Variants in CADPS2 observed in about 807,000 individuals in gnomAD.
The protein encoded by CADPS2 is calcium-dependent secretion activator 2.
CADPS2 carries 93 observed loss-of-function variants against 172.5 expected under a neutral mutation model. That is an observed-to-expected ratio of 0.54 (90% CI 0.46 to 0.64). CADPS2 has a LOEUF of 0.64. CADPS2 is among the 30% of genes least tolerant of loss of function. The pLI, the probability that CADPS2 is intolerant of heterozygous loss-of-function variation, is 0.00. For missense variants in CADPS2, 1,420 were observed against 1,565.9 expected (o/e 0.91, Z 1.57); for synonymous variants, 546 against 555.2 (o/e 0.98, Z 0.23).
At chr7:122,482,110 GCAA>G (rs2057371988) in intron 11 of CADPS2, among the ~76,000 whole-genome samples, 1 of 151,474 alleles carries the variant, frequency 6.6e-6, no homozygotes, top group Admixed American at 6.6e-5. Context: ...TTATGTGCAA[GCAA>G]CAATAGCCAC....
intron 1 of CADPS2, among the ~76,000 whole-genome samples, chr7:122,881,948 A>G (rs1246248394): frequency 6.6e-6 from 1 of 152,168 alleles, no homozygotes; most frequent in African/African-American, 2.4e-5. Context: ...TAATTCTTTG[A>G]GGCATGGACT....
intron 20 of CADPS2, among the ~76,000 whole-genome samples, chr7:122,396,656 A>G (rs928995427): frequency 5.9e-5 from 9 of 152,260 alleles, no homozygotes; most frequent in African/African-American, 2.2e-4. Context: ...TCACGATTCA[A>G]TATACACCTG....
At chr7:122,580,746 C>G (rs1227587711) in intron 7 of CADPS2, among the ~76,000 whole-genome samples, 1 of 152,108 alleles carries the variant, frequency 6.6e-6, no homozygotes, top group African/African-American at 2.4e-5. Context: ...ATAAGAGAGA[C>G]AGATGCACTT....
At chr7:122,671,855 A>G (rs531931639) in intron 2 of CADPS2, among the ~76,000 whole-genome samples, 1 of 152,338 alleles carries the variant, frequency 6.6e-6, no homozygotes, top group Middle Eastern at 3.4e-3. Flanking sequence ...ACTAGGGCAG[A>G]CTTTAAAGCT....
At chr7:122,778,340 A>T (rs751470990) in intron 1 of CADPS2, among the ~76,000 whole-genome samples, 1 of 152,228 alleles carries the variant, frequency 6.6e-6, no homozygotes, top group Non-Finnish European at 1.5e-5. Context: ...AGAACATAAA[A>T]GTTTGGAAAA....
At chr7:122,395,813 T>C (rs1321203644) in intron 20 of CADPS2, among the ~76,000 whole-genome samples, 4 of 133,202 alleles carry the variant, frequency 3.0e-5, no homozygotes, top group African/African-American at 3.3e-5. Flanking sequence ...TTTTTTTTTC[T>C]TTTTTTTTTT....
intron 15 of CADPS2, among the ~76,000 whole-genome samples, chr7:122,446,465 A>G (rs1022826369): frequency 2.0e-5 from 3 of 152,148 alleles, no homozygotes; most frequent in Non-Finnish European, 4.4e-5. Flanking sequence ...GGCTGAAGCA[A>G]AACCTAATGA....
chr7:122,620,130 T>C (rs1406830846), intron 5 of CADPS2, among the ~76,000 whole-genome samples: 1 of 152,148 alleles, frequency 6.6e-6, no homozygotes, highest in East Asian at 1.9e-4. Context: ...TTGAAAACTG[T>C]TCTTCGTAAG....
chr7:122,596,523 A>T (rs942121505), intron 6 of CADPS2, among the ~76,000 whole-genome samples: 1 of 152,154 alleles, frequency 6.6e-6, no homozygotes, highest in African/African-American at 2.4e-5. Flanking sequence ...GCTTGTGTTA[A>T]AAGGAAAAGC....
At chr7:122,598,933 G>A (rs980159957) in intron 6 of CADPS2, among the ~76,000 whole-genome samples, 3 of 152,040 alleles carry the variant, frequency 2.0e-5, no homozygotes, top group African/African-American at 7.2e-5. Flanking sequence ...TGGGGACTGA[G>A]AACATATAGG....
intron 5 of CADPS2, among the ~76,000 whole-genome samples, chr7:122,616,876 T>C (rs946124152): frequency 6.6e-6 from 1 of 152,158 alleles, no homozygotes; most frequent in Non-Finnish European, 1.5e-5. Context: ...AAATCAAATA[T>C]ATAACCATAT....
At chr7:122,322,384 T>C (rs1438047521) in intron 29 of CADPS2, among the ~76,000 whole-genome samples, 2 of 152,238 alleles carry the variant, frequency 1.3e-5, no homozygotes, top group African/African-American at 4.8e-5. Context: ...TAGCAAGCAA[T>C]AACCAGTTGG....
chr7:122,751,353 AGGGAAT>A (rs1310405743), intron 1 of CADPS2, among the ~76,000 whole-genome samples: 145 of 152,184 alleles, frequency 9.5e-4, no homozygotes, highest in Non-Finnish European at 3.2e-4. Flanking sequence ...AATCATGTCG[AGGGAAT>A]GGGTAATGAA....
chr7:122,617,158 C>G (rs140315159), intron 5 of CADPS2, among the ~76,000 whole-genome samples: 2,560 of 152,222 alleles, frequency 0.017, 37 homozygotes, highest in Non-Finnish European at 0.026. Context: ...TAAACATGAC[C>G]TCCTAAAACA....
intron 17 of CADPS2, among the ~76,000 whole-genome samples, chr7:122,427,791 T>C (rs1431516057): frequency 6.6e-6 from 1 of 152,138 alleles, no homozygotes; most frequent in African/African-American, 2.4e-5. Flanking sequence ...TTAAGGTAAA[T>C]TTATCAAGTT....
At chr7:122,869,723 G>C (rs1317379670) in intron 1 of CADPS2, among the ~76,000 whole-genome samples, 1 of 152,010 alleles carries the variant, frequency 6.6e-6, no homozygotes, top group Non-Finnish European at 1.5e-5. Flanking sequence ...TATATCTCTA[G>C]TATGAAGATT....
At chr7:122,846,121 T>C (rs1811931131) in intron 1 of CADPS2, among the ~76,000 whole-genome samples, 1 of 152,208 alleles carries the variant, frequency 6.6e-6, no homozygotes, top group Admixed American at 6.5e-5. Flanking sequence ...AAACATTGCA[T>C]CTTACATATT....
chr7:122,661,908 A>G (rs539568288), intron 3 of CADPS2, among the ~76,000 whole-genome samples: 29 of 152,336 alleles, frequency 1.9e-4, no homozygotes, highest in African/African-American at 6.5e-4. Flanking sequence ...AGTTGAAGTT[A>G]TCTTTCAAAT....
intron 3 of CADPS2, among the ~76,000 whole-genome samples, chr7:122,656,833 T>A (rs1000188534): frequency 4.6e-5 from 7 of 152,362 alleles, no homozygotes; most frequent in African/African-American, 1.7e-4. Context: ...TTTGTCAATT[T>A]TGGCTTTTGA....
Sources: allele counts gnomAD v4.1 joint callset (sites outside exome capture counted in the v4.1 genomes callset), GRCh38; gene constraint gnomAD v4.1.1; transcripts MANE v1.5; gene names NCBI Gene and HGNC (gene_info 2026-07-23, HGNC 2026-07-21).